Variants in NTM observed in about 807,000 individuals in gnomAD.
The protein encoded by NTM is neurotrimin.
Under a neutral mutation model 42.1 loss-of-function variants are expected in NTM, and 13 were observed. That is an observed-to-expected ratio of 0.31 (90% CI 0.20 to 0.49). The LOEUF is 0.49. NTM is among the 20% of genes least tolerant of loss of function. The pLI is 0.99. For missense variants in NTM, 373 were observed against 452.8 expected (o/e 0.82, Z 1.60); for synonymous variants, 187 against 179.2 (o/e 1.04, Z -0.35).
intron 1 of NTM, among the ~76,000 whole-genome samples, chr11:131,731,436 T>G (rs1304649053): frequency 1.3e-5 from 2 of 152,232 alleles, no homozygotes; most frequent in Non-Finnish European, 2.9e-5. Context: ...ATGATGTTAT[T>G]TAATCAGCTC....
intron 1 of NTM, among the ~76,000 whole-genome samples, chr11:131,751,406 C>T (rs189446284): frequency 3.3e-5 from 5 of 151,998 alleles, no homozygotes; most frequent in East Asian, 1.9e-4. Flanking sequence ...CTGGCTAACA[C>T]GGTGAAACCC....
chr11:132,073,090 G>A (rs930804008), intron 2 of NTM, among the ~76,000 whole-genome samples: 2 of 152,158 alleles, frequency 1.3e-5, no homozygotes, highest in African/African-American at 2.4e-5. Flanking sequence ...CTTCTGTCCT[G>A]TGGGCTGCTG....
At chr11:131,977,093 A>C (rs913927858) in intron 2 of NTM, among the ~76,000 whole-genome samples, 1 of 152,222 alleles carries the variant, frequency 6.6e-6, no homozygotes, top group Non-Finnish European at 1.5e-5. Context: ...CATATTGGAA[A>C]TCAAATATAT....
chr11:132,061,956 G>C (rs2080747595), intron 2 of NTM, among the ~76,000 whole-genome samples: 2 of 152,102 alleles, frequency 1.3e-5, no homozygotes. Context: ...GGATCAGATA[G>C]GGGGTATCAT....
At chr11:132,313,893 T>A (rs1464513514) in intron 6 of NTM, among the ~76,000 whole-genome samples, 1 of 152,160 alleles carries the variant, frequency 6.6e-6, no homozygotes, top group East Asian at 1.9e-4. Context: ...GGACATATTC[T>A]TGGGAACCTC....
At chr11:131,419,347 A>C (rs1019320392) in intron 1 of NTM, among the ~76,000 whole-genome samples, 1 of 152,184 alleles carries the variant, frequency 6.6e-6, no homozygotes, top group Non-Finnish European at 1.5e-5. Flanking sequence ...TAAATTGGTG[A>C]GTACTACCAC....
chr11:131,853,658 T>C (rs1439202293), intron 1 of NTM, among the ~76,000 whole-genome samples: 1 of 152,230 alleles, frequency 6.6e-6, no homozygotes, highest in Non-Finnish European at 1.5e-5. Flanking sequence ...GGATATTAGG[T>C]TGGTTCCATG....
intron 4 of NTM, among the ~76,000 whole-genome samples, chr11:132,247,196 G>A (rs983575002): frequency 1.3e-5 from 2 of 152,278 alleles, no homozygotes; most frequent in Admixed American, 6.5e-5. Context: ...TGCCATCTGC[G>A]TGTATGTCCA....
At chr11:131,653,680 C>T (rs1202581022) in intron 1 of NTM, among the ~76,000 whole-genome samples, 2 of 152,144 alleles carry the variant, frequency 1.3e-5, no homozygotes, top group Non-Finnish European at 2.9e-5. Context: ...TGTAGGGCAC[C>T]CCTGCGTGTG....
chr11:131,754,957 C>G (rs568592277), intron 1 of NTM, among the ~76,000 whole-genome samples: 2 of 152,120 alleles, frequency 1.3e-5, no homozygotes, highest in Non-Finnish European at 2.9e-5. Context: ...CAAAACTCTA[C>G]GATTCCATTT....
intron 1 of NTM, among the ~76,000 whole-genome samples, chr11:131,839,440 T>C (rs1250246521): frequency 6.6e-6 from 1 of 152,146 alleles, no homozygotes; most frequent in Non-Finnish European, 1.5e-5. Context: ...GGGGGACATC[T>C]GGGGAAAGAA....
At chr11:131,712,330 A>G (rs1231005754) in intron 1 of NTM, among the ~76,000 whole-genome samples, 1 of 152,008 alleles carries the variant, frequency 6.6e-6, no homozygotes, top group African/African-American at 2.4e-5. Flanking sequence ...ACGGAAAAAC[A>G]GTTGTTAAGA....
At chr11:131,580,393 C>T (rs781055317) in intron 1 of NTM, among the ~76,000 whole-genome samples, 4 of 152,172 alleles carry the variant, frequency 2.6e-5, no homozygotes, top group Admixed American at 1.3e-4. Context: ...CCACTGACAG[C>T]GATTTGGCCC....
At chr11:132,306,270 C>T (rs570990873) in intron 4 of NTM, 11 of 152,308 alleles carry the variant, frequency 7.2e-5, no homozygotes, top group African/African-American at 2.4e-4. Flanking sequence ...CACACATCAT[C>T]CCTTGTTGTA....
At chr11:131,553,589 C>T (rs2054996471) in intron 1 of NTM, among the ~76,000 whole-genome samples, 1 of 152,212 alleles carries the variant, frequency 6.6e-6, no homozygotes, top group South Asian at 2.1e-4. Context: ...ACCTCCTACA[C>T]ATTTTGGAAA....
At chr11:131,428,563 C>T (rs184538653) in intron 1 of NTM, among the ~76,000 whole-genome samples, 5 of 152,298 alleles carry the variant, frequency 3.3e-5, no homozygotes, top group Middle Eastern at 6.8e-3. Flanking sequence ...ACACGACATG[C>T]TTCCCCCTCT....
chr11:131,457,009 A>G (rs1453787248), intron 1 of NTM, among the ~76,000 whole-genome samples: 2 of 152,176 alleles, frequency 1.3e-5, no homozygotes, highest in Non-Finnish European at 1.5e-5. Context: ...CAAGGGGTGC[A>G]ATGTTTATTT....
intron 4 of NTM, among the ~76,000 whole-genome samples, chr11:132,257,646 A>T (rs542390538): frequency 3.3e-4 from 50 of 152,296 alleles, no homozygotes; most frequent in African/African-American, 1.2e-3. Context: ...TCTTCTTCAC[A>T]CTTGATCTCT....
At chr11:132,065,163 A>G (rs890815020) in intron 2 of NTM, among the ~76,000 whole-genome samples, 2 of 152,198 alleles carry the variant, frequency 1.3e-5, no homozygotes, top group South Asian at 4.1e-4. Flanking sequence ...TAAACATTGC[A>G]TGCATTCCCA....
Sources: allele counts gnomAD v4.1 joint callset (sites outside exome capture counted in the v4.1 genomes callset), GRCh38; gene constraint gnomAD v4.1.1; transcripts MANE v1.5; gene names NCBI Gene and HGNC (gene_info 2026-07-23, HGNC 2026-07-21).